Variants in IMMP2L observed in about 807,000 individuals in gnomAD.
IMMP2L encodes inner mitochondrial membrane peptidase subunit 2, also known as mitochondrial inner membrane protease subunit 2.
IMMP2L carries 18 observed loss-of-function variants against 19.3 expected under a neutral mutation model. The ratio of observed to expected loss-of-function variants is 0.93; its 90% confidence interval spans 0.64 to 1.38. The LOEUF (loss-of-function observed/expected upper bound fraction) is 1.38. Ranked by LOEUF, IMMP2L falls within the 40% of genes most tolerant of loss-of-function variation. The pLI is 0.00. For synonymous variants in IMMP2L, 76 were observed against 73.0 expected (o/e 1.04, Z -0.21); for missense variants, 233 against 218.2 (o/e 1.07, Z -0.43).
chr7:111,102,915 A>G (rs1011968895), intron 3 of IMMP2L, among the ~76,000 whole-genome samples: 1 of 151,480 alleles, frequency 6.6e-6, no homozygotes, highest in Non-Finnish European at 1.5e-5. Context: ...TAAAACCCCA[A>G]TGTCCCAATT....
chr7:111,040,703 T>C (rs1378813263), intron 3 of IMMP2L, among the ~76,000 whole-genome samples: 4 of 142,442 alleles, frequency 2.8e-5, no homozygotes, highest in African/African-American at 8.0e-5. Context: ...GATTTAAATA[T>C]ATAAATCTAA....
chr7:111,495,040 A>C (rs1461236823), intron 2 of IMMP2L, among the ~76,000 whole-genome samples: 4 of 152,104 alleles, frequency 2.6e-5, no homozygotes, highest in Non-Finnish European at 5.9e-5. Context: ...AATCCAAAAA[A>C]ATTTAATATG....
intron 3 of IMMP2L, among the ~76,000 whole-genome samples, chr7:111,286,582 T>C (rs751507976): frequency 1.3e-5 from 2 of 152,114 alleles, no homozygotes; most frequent in Non-Finnish European, 2.9e-5. Flanking sequence ...ATAGAGACCG[T>C]TTTGATAAGG....
At chr7:110,735,941 T>G (rs1796609829) in intron 5 of IMMP2L, among the ~76,000 whole-genome samples, 1 of 149,374 alleles carries the variant, frequency 6.7e-6, no homozygotes, top group South Asian at 2.1e-4. Context: ...AGGCCCAAAC[T>G]GCCAGGGCCT....
intron 3 of IMMP2L, among the ~76,000 whole-genome samples, chr7:111,084,318 A>G (rs1401498876): frequency 7.1e-6 from 1 of 140,800 alleles, no homozygotes; most frequent in Non-Finnish European, 1.6e-5. Flanking sequence ...AAAAAAAAAA[A>G]GAAAGGAAAA....
intron 3 of IMMP2L, among the ~76,000 whole-genome samples, chr7:111,105,737 A>T (rs214885): frequency 2.4e-4 from 36 of 151,608 alleles, no homozygotes; most frequent in Admixed American, 2.4e-3. Context: ...ATGTGTACTA[A>T]CAATTTATGC....
At chr7:110,751,167 T>TA (rs879587311) in intron 5 of IMMP2L, among the ~76,000 whole-genome samples, 271 of 141,774 alleles carry the variant, frequency 1.9e-3, no homozygotes, top group African/African-American at 4.3e-3. Context: ...CTAAGAGACT[T>TA]AAAAAAAAAA....
chr7:110,966,590 A>G (rs1287355437), intron 3 of IMMP2L, among the ~76,000 whole-genome samples: 2 of 152,026 alleles, frequency 1.3e-5, no homozygotes, highest in African/African-American at 4.8e-5. Flanking sequence ...CTGAGGCAAA[A>G]TAGAGTATGC....
intron 3 of IMMP2L, among the ~76,000 whole-genome samples, chr7:111,175,040 G>T (rs1051106109): frequency 6.6e-6 from 1 of 151,790 alleles, no homozygotes. Context: ...AACTGAAAAT[G>T]ATTTCTTTTG....
At chr7:110,896,167 A>G (rs1330135567) in intron 4 of IMMP2L, among the ~76,000 whole-genome samples, 1 of 152,174 alleles carries the variant, frequency 6.6e-6, no homozygotes, top group Non-Finnish European at 1.5e-5. Flanking sequence ...CTTTTGCGCC[A>G]ACCTAGTAAA....
intron 3 of IMMP2L, among the ~76,000 whole-genome samples, chr7:111,238,785 T>C (rs990731832): frequency 6.6e-6 from 1 of 151,962 alleles, no homozygotes; most frequent in African/African-American, 2.4e-5. Flanking sequence ...AGTAAAAGTT[T>C]TGCAGTCAGA....
At chr7:111,355,972 A>G (rs1033476455) in intron 3 of IMMP2L, among the ~76,000 whole-genome samples, 5 of 152,024 alleles carry the variant, frequency 3.3e-5, no homozygotes, top group Non-Finnish European at 7.4e-5. Flanking sequence ...TATCTGAAAA[A>G]CAAACTCCAA....
intron 5 of IMMP2L, among the ~76,000 whole-genome samples, chr7:110,689,849 A>G (rs1454030865): frequency 2.6e-5 from 4 of 152,162 alleles, no homozygotes; most frequent in African/African-American, 9.6e-5. Flanking sequence ...TATTTTTGCC[A>G]GGTAACAGGA....
chr7:111,445,279 T>C (rs532415905), intron 3 of IMMP2L, among the ~76,000 whole-genome samples: 3 of 152,112 alleles, frequency 2.0e-5, no homozygotes, highest in East Asian at 3.9e-4. Flanking sequence ...AAATCTCATA[T>C]ATTTTTCCAC....
At chr7:111,351,402 G>A (rs186751320) in intron 3 of IMMP2L, among the ~76,000 whole-genome samples, 2 of 152,190 alleles carry the variant, frequency 1.3e-5, no homozygotes, top group South Asian at 2.1e-4. Flanking sequence ...TGTTGACCAG[G>A]CTGGTCTTGA....
intron 1 of IMMP2L, among the ~76,000 whole-genome samples, chr7:111,533,919 T>A (rs545202790): frequency 1.3e-5 from 2 of 152,056 alleles, no homozygotes; most frequent in South Asian, 4.1e-4. Context: ...CATAAAAAAT[T>A]ATAATATCAG....
At chr7:111,470,737 A>T (rs1396921793) in intron 3 of IMMP2L, among the ~76,000 whole-genome samples, 2 of 16,880 alleles carry the variant, frequency 1.2e-4, no homozygotes, top group African/African-American at 3.6e-4. Context: ...GGTGGGGGGG[A>T]GGGGGGAGGG....
chr7:110,752,524 G>A (rs1157658844), intron 5 of IMMP2L, among the ~76,000 whole-genome samples: 1 of 152,004 alleles, frequency 6.6e-6, no homozygotes, highest in African/African-American at 2.4e-5. Flanking sequence ...ACAATACAAA[G>A]TCACTGGGAC....
intron 5 of IMMP2L, among the ~76,000 whole-genome samples, chr7:110,718,431 A>C (rs1795362982): frequency 6.6e-6 from 1 of 152,130 alleles, no homozygotes; most frequent in Non-Finnish European, 1.5e-5. Flanking sequence ...GTAAATAATA[A>C]ATTCTAGTTG....
Sources: gnomAD v4.1 joint callset for allele counts (sites outside exome capture counted in the v4.1 genomes callset) on GRCh38, gnomAD v4.1.1 for gene constraint, MANE v1.5 for transcripts, NCBI Gene and HGNC (gene_info 2026-07-23, HGNC 2026-07-21) for gene names.